Variants in RRM2 observed in about 807,000 individuals in gnomAD.
The protein encoded by RRM2 is ribonucleoside-diphosphate reductase subunit M2.
In RRM2, 6 loss-of-function variants were observed where a neutral mutation model predicts 45.9. That is an observed-to-expected ratio of 0.13 (90% CI 0.07 to 0.26). The LOEUF is 0.26. Ranked by LOEUF, RRM2 falls within the 10% of genes least tolerant of loss-of-function variation. The probability of loss-of-function intolerance (pLI) is 1.00; values close to 1 mark genes in which losing one functional copy is unlikely to be tolerated. For missense variants in RRM2, 343 were observed against 489.5 expected (o/e 0.70, Z 2.82); for synonymous variants, 177 against 173.0 (o/e 1.02, Z -0.18).
intron 3 of RRM2, among the ~76,000 whole-genome samples, chr2:10,188,461 G>A (rs984637556): frequency 2.6e-5 from 4 of 152,130 alleles, no homozygotes; most frequent in African/African-American, 9.7e-5. Flanking sequence ...CCCTCATCTG[G>A]TGGTCCTTTG....
At chr2:10,139,442 G>C (rs780725383), upstream of RRM2, among the ~76,000 whole-genome samples, 2 of 152,190 alleles carry the variant, frequency 1.3e-5, no homozygotes, top group Non-Finnish European at 2.9e-5. Flanking sequence ...TAGGCCACTT[G>C]GCATTAAAAA....
At chr2:10,134,520 G>GT (rs1466263222), downstream of RRM2, among the ~76,000 whole-genome samples, 1 of 152,154 alleles carries the variant, frequency 6.6e-6, no homozygotes, top group Non-Finnish European at 1.5e-5. Flanking sequence ...TGTGGTCTAG[G>GT]AACTACTCAA....
intron 3 of RRM2, among the ~76,000 whole-genome samples, chr2:10,150,777 T>TG (rs1553324038): frequency 4.1e-5 from 6 of 147,714 alleles, no homozygotes; most frequent in African/African-American, 1.5e-4. Context: ...TTGTGTTTTT[T>TG]TTTTTTTTTT....
chr2:10,127,246 G>T lies in RRM2; in HGVS notation c.798+26G>T. 1 of 1,604,462 alleles carries T rather than the reference G, an allele frequency of 6.2e-7. No individual in the cohort carries two copies. Among genetic ancestry groups the T allele is most frequent in the South Asian group, 1.1e-5 (1 of 90,886 alleles). ...GTGAGTCTAAGTCAAATAATAGGGT[G>T]ACCTAAACCCCAAACACAACTCGGG... On this transcript the variant is annotated intron_variant, in intron 7 of 9. Transcript: ENST00000304567. This position sits in a 1 kb window ranked among gnomAD's most constrained non-coding sequence, Gnocchi z 4.1.
chr2:10,194,581 C>A (rs1384875561), intron 3 of RRM2, among the ~76,000 whole-genome samples: 1 of 152,226 alleles, frequency 6.6e-6, no homozygotes, highest in Non-Finnish European at 1.5e-5. Flanking sequence ...GGCACGTGTC[C>A]ATTTCCCCAA....
chr2:10,123,295 A>C, intron 2 of RRM2, 92 bp from the exon 3 acceptor site: 1 of 1,464,518 alleles, frequency 6.8e-7, no homozygotes, highest in Non-Finnish European at 9.1e-7. Context: ...GGCCCCGTGA[A>C]ATTGCCGCCA....
chr2:10,150,062 C>T (rs1399840937), intron 3 of RRM2, among the ~76,000 whole-genome samples: 1 of 152,162 alleles, frequency 6.6e-6, no homozygotes. Flanking sequence ...GCCTGTAATC[C>T]CAGCACTTTT....
rs1329008195 is a variant in RRM2 at position 10,127,609 on chromosome 2, G to A, written c.798+389G>A. On this transcript the variant is annotated intron_variant, in intron 7 of 9. Coordinates refer to ENST00000304567, the MANE Select transcript of RRM2 (RefSeq NM_001034.4). This position sits in a 1 kb window ranked among gnomAD's most constrained non-coding sequence, Gnocchi z 4.1. ...CCCGCCTCAGCCTCCCAAGTAGCTG[G>A]GATTGTAGGTGCCTGCCACCATGCC... is the stretch of plus-strand genomic sequence containing the variant. Among the ~76,000 whole-genome samples, 1 of 151,964 alleles carries A rather than the reference G, an allele frequency of 6.6e-6. No homozygotes were observed. Among genetic ancestry groups the A allele is most frequent in the African/African-American group, 2.4e-5 (1 of 41,396 alleles).
chr2:10,190,435 GTGA>G (rs55714483), intron 3 of RRM2, among the ~76,000 whole-genome samples: 15 of 123,844 alleles, frequency 1.2e-4, no homozygotes, highest in African/African-American at 3.2e-4. Context: ...GGTGATGAGT[GTGA>G]TGATGATGAT....
chr2:10,175,202 CA>C (rs1663890895), intron 3 of RRM2, among the ~76,000 whole-genome samples: 1 of 152,234 alleles, frequency 6.6e-6, no homozygotes, highest in African/African-American at 2.4e-5. Flanking sequence ...GGCCAGTGCC[CA>C]GAGGGCACCG....
At chr2:10,136,497 G>A (rs780054381), upstream of RRM2, among the ~76,000 whole-genome samples, 4 of 152,192 alleles carry the variant, frequency 2.6e-5, no homozygotes, top group Non-Finnish European at 4.4e-5. Context: ...TCAGAGGTGC[G>A]GGTGGCTAGT....
chr2:10,134,868 TG>T (rs375979776), downstream of RRM2, among the ~76,000 whole-genome samples: 137 of 152,318 alleles, frequency 9.0e-4, no homozygotes, highest in African/African-American at 3.2e-3. Context: ...AGGTAAAGAC[TG>T]GTGACTTTCC....
rs1373948827 is a variant in RRM2 at position 10,170,946 on chromosome 2, CAG to C, written n.482+28576_482+28577del. ...CCTTTAAAAGGAGAGAGCTAAGTGACAGAGAGGGGGCTTGTCCCCAGCCCAGG... is the reference window on the plus strand; with the variant it reads ...CCTTTAAAAGGAGAGAGCTAAGTGACAGAGGGGGCTTGTCCCCAGCCCAGG... On this transcript the variant is annotated intron_variant and non_coding_transcript_variant, in intron 3 of 3. Transcript: ENST00000381786. Among the ~76,000 whole-genome samples, 4 of 152,368 alleles carry C rather than the reference CAG, an allele frequency of 2.6e-5. No homozygotes were observed. The South Asian group carries it at 6.2e-4, about 24-fold the overall frequency.
At chr2:10,162,943 G>T (rs1207004666) in intron 3 of RRM2, among the ~76,000 whole-genome samples, 3 of 152,220 alleles carry the variant, frequency 2.0e-5, no homozygotes, top group Non-Finnish European at 4.4e-5. Context: ...CCCCAGCCTG[G>T]CTGGCTGCTT....
At chr2:10,167,084 G>GCC (rs1663697748) in intron 3 of RRM2, among the ~76,000 whole-genome samples, 1 of 152,172 alleles carries the variant, frequency 6.6e-6, no homozygotes, top group Non-Finnish European at 1.5e-5. Context: ...TCAGGCATGT[G>GCC]ACACCTGTCA....
At chr2:10,199,594 A>G (rs1461073624) in intron 3 of RRM2, among the ~76,000 whole-genome samples, 1 of 151,796 alleles carries the variant, frequency 6.6e-6, no homozygotes, top group East Asian at 1.9e-4. Context: ...ATCCTGGCTA[A>G]CACAGTGAAA....
In RRM2 at chr2:10,172,892, A is replaced by G. The variant is rs72788304; in HGVS notation, n.482+30517A>G. 0.29 allele frequency among the ~76,000 whole-genome samples: 43,349 copies of G among 152,056 alleles called. 6,778 individuals are homozygous for G. Among genetic ancestry groups the G allele is most frequent in the Non-Finnish European group, 0.36 (24,222 of 67,974 alleles). On this transcript the variant is annotated intron_variant and non_coding_transcript_variant, in intron 3 of 3. Transcript: ENST00000381786. The surrounding 1 kb of genome is among the most constrained non-coding windows in gnomAD (Gnocchi z 4.9). ...CACGGATCCCATACCGGTGATGCCA[A>G]CCCCCTGAGTCCCGGGGAACAGTGG...
chr2:10,169,427 G>A lies in RRM2; in HGVS notation n.482+27052G>A, dbSNP rs1049792343. On this transcript the variant is annotated intron_variant and non_coding_transcript_variant, in intron 3 of 3. Transcript: ENST00000381786. The surrounding 1 kb of genome is among the most constrained non-coding windows in gnomAD (Gnocchi z 5.1). ...TTGTTCTAGAAAAGTGCTCATAGGC[G>A]CTGTGAAGGCCTTGATGTCCTCTGG... Among the ~76,000 whole-genome samples, 2 of 152,182 alleles carry A rather than the reference G, an allele frequency of 1.3e-5. No homozygotes were observed. Among genetic ancestry groups the A allele is most frequent in the Non-Finnish European group, 2.9e-5 (2 of 68,032 alleles).
chr2:10,151,993 G>T (rs189688092), intron 3 of RRM2, among the ~76,000 whole-genome samples: 1 of 151,898 alleles, frequency 6.6e-6, no homozygotes, highest in East Asian at 1.9e-4. Flanking sequence ...CTGTCACTCA[G>T]GTTGGAGTAC....
Sources: allele counts gnomAD v4.1 joint callset (sites outside exome capture counted in the v4.1 genomes callset), GRCh38; gene constraint gnomAD v4.1.1; non-coding constraint Gnocchi (gnomAD v3.1); transcripts MANE v1.5; gene names NCBI Gene and HGNC (gene_info 2026-07-23, HGNC 2026-07-21).